Variants in RGS8 observed in about 807,000 individuals in gnomAD.
The protein encoded by RGS8 is regulator of G-protein signaling 8.
Under a neutral mutation model 21.7 loss-of-function variants are expected in RGS8, and 8 were observed. The observed-to-expected ratio is 0.37, with a 90% CI of 0.22 to 0.66. RGS8 has a LOEUF of 0.66. RGS8 is among the 30% of genes least tolerant of loss of function. RGS8 has a pLI of 0.59. For synonymous variants in RGS8, 80 were observed against 83.6 expected (o/e 0.96, Z 0.24); for missense variants, 157 against 217.9 (o/e 0.72, Z 1.76).
chr1:182,721,065 A>G, the RGS8 span, among the ~76,000 whole-genome samples: 3 of 105,602 alleles, frequency 2.8e-5, no homozygotes, highest in Non-Finnish European at 5.8e-5. Context: ...ATATGTGTGT[A>G]TATATACATA....
At chr1:182,741,717 T>C in the RGS8 span, among the ~76,000 whole-genome samples, 1 of 97,382 alleles carries the variant, frequency 1.0e-5, no homozygotes, top group Non-Finnish European at 2.4e-5. Context: ...GAGGCGCCCC[T>C]CACCTCCCGG....
At chr1:182,647,899 C>T (rs1465031139) in intron 6 of RGS8, among the ~76,000 whole-genome samples, 2 of 152,200 alleles carry the variant, frequency 1.3e-5, no homozygotes, top group South Asian at 4.1e-4. Context: ...CAACACAGTT[C>T]CTGCTAGCAC....
chr1:182,653,291 A>C (rs2102413840), intron 5 of RGS8, among the ~76,000 whole-genome samples: 1 of 152,352 alleles, frequency 6.6e-6, no homozygotes, highest in Admixed American at 6.5e-5. Flanking sequence ...GGAAACAGTC[A>C]TTCAGATGAT....
the RGS8 span, among the ~76,000 whole-genome samples, chr1:182,710,328 CT>C: frequency 1.1e-4 from 16 of 152,312 alleles, no homozygotes; most frequent in Admixed American, 8.5e-4. Flanking sequence ...CCAATCACAT[CT>C]TTATAAGGTA....
chr1:182,662,168 G>C (rs1663624580), intron 5 of RGS8, among the ~76,000 whole-genome samples: 1 of 152,148 alleles, frequency 6.6e-6, no homozygotes, highest in Non-Finnish European at 1.5e-5. Flanking sequence ...AAATAGCAAA[G>C]TTGCTTTCTT....
chr1:182,742,187 C>G, the RGS8 span, among the ~76,000 whole-genome samples: 4 of 150,122 alleles, frequency 2.7e-5, no homozygotes, highest in East Asian at 2.0e-4. Context: ...TGATGGCGGC[C>G]GGGAAGAGGC....
chr1:182,671,564 T>G, intron 2 of RGS8, 93 bp downstream of exon 3: 2 of 1,066,110 alleles, frequency 1.9e-6, no homozygotes, highest in Non-Finnish European at 2.9e-6. Flanking sequence ...GCAATCAATA[T>G]GCATGAAGAG....
At chr1:182,691,243 CA>C in the RGS8 span, among the ~76,000 whole-genome samples, 2 of 152,174 alleles carry the variant, frequency 1.3e-5, no homozygotes, top group Non-Finnish European at 2.9e-5. Flanking sequence ...TGTTACACAC[CA>C]AAAGCTCACT....
At chr1:182,667,626 G>A (rs1663938148) in intron 3 of RGS8, among the ~76,000 whole-genome samples, 1 of 152,134 alleles carries the variant, frequency 6.6e-6, no homozygotes, top group Non-Finnish European at 1.5e-5. Flanking sequence ...CTAAGCTCAT[G>A]TATTCCTATT....
intron 5 of RGS8, among the ~76,000 whole-genome samples, chr1:182,660,435 TACA>T (rs1018271809): frequency 7.2e-5 from 11 of 152,098 alleles, no homozygotes; most frequent in African/African-American, 2.7e-4. Flanking sequence ...AAGTACAAAC[TACA>T]ACAATGTGAA....
At chr1:182,690,494 T>C in the RGS8 span, among the ~76,000 whole-genome samples, 3 of 152,336 alleles carry the variant, frequency 2.0e-5, no homozygotes, top group South Asian at 6.2e-4. Flanking sequence ...AAAATATTTA[T>C]CAGTATCTAG....
At chr1:182,687,419 TGCTTCTCAGATTTTCAAATTATGGCAC>T (rs1664735453), upstream of RGS8, among the ~76,000 whole-genome samples, 1 of 152,250 alleles carries the variant, frequency 6.6e-6, no homozygotes, top group South Asian at 2.1e-4. Flanking sequence ...CTTAGAGTAT[TGCTTCTCAGATTTTCAAATTATGGCAC>T]ACACAGAAAA....
intron 3 of RGS8, among the ~76,000 whole-genome samples, chr1:182,668,457 CTTTTACTTCAAATGGATTT>C (rs1663983059): frequency 6.6e-6 from 1 of 152,224 alleles, no homozygotes; most frequent in Admixed American, 6.5e-5. Flanking sequence ...AATTCAATCT[CTTTTACTTCAAATGGATTT>C]TCATCCCTGG....
chr1:182,654,977 T>C (rs1663196416), intron 5 of RGS8, among the ~76,000 whole-genome samples: 1 of 151,976 alleles, frequency 6.6e-6, no homozygotes, highest in African/African-American at 2.4e-5. Context: ...AATTTTAAAG[T>C]AACATCAGCA....
At chr1:182,652,337 T>C (rs1663060259) in intron 5 of RGS8, among the ~76,000 whole-genome samples, 1 of 152,244 alleles carries the variant, frequency 6.6e-6, no homozygotes, top group Admixed American at 6.5e-5. Context: ...TGTCTGGCCC[T>C]GTGCTAGATG....
intron 1 of RGS8, among the ~76,000 whole-genome samples, chr1:182,679,226 T>G (rs959559021): frequency 1.3e-5 from 2 of 152,198 alleles, no homozygotes; most frequent in Admixed American, 6.5e-5. Flanking sequence ...AAGAGTCTCC[T>G]CTGCTTCCTC....
At chr1:182,720,864 T>TATATACACATATATGTATATATATACAC in the RGS8 span, among the ~76,000 whole-genome samples, 1 of 146,364 alleles carries the variant, frequency 6.8e-6, no homozygotes, top group Non-Finnish European at 1.5e-5. Flanking sequence ...TATATATACA[T>TATATACACATATATGTATATATATACAC]ATATACACAT....
exon 7 of RGS8, chr1:182,646,871 T>G: frequency 6.2e-7 from 1 of 1,614,158 alleles, no homozygotes. Context: ...GGATGGCTCC[T>G]GCAGGTTCTT....
the RGS8 span, among the ~76,000 whole-genome samples, chr1:182,695,627 A>G: frequency 1.3e-5 from 2 of 152,164 alleles, no homozygotes; most frequent in African/African-American, 4.8e-5. Flanking sequence ...TGGCTCTACA[A>G]TTGCTCTTAG....
Sources: gnomAD v4.1 joint callset for allele counts (sites outside exome capture counted in the v4.1 genomes callset) on GRCh38, gnomAD v4.1.1 for gene constraint, MANE v1.5 for transcripts, NCBI Gene and HGNC (gene_info 2026-07-23, HGNC 2026-07-21) for gene names.